CEP290: variants seen among roughly 807,000 people sequenced by gnomAD.
CEP290 encodes the protein centrosomal protein of 290 kDa.
CEP290 carries 317 observed loss-of-function variants against 344.9 expected under a neutral mutation model. That is an observed-to-expected ratio of 0.92 (90% CI 0.84 to 1.01). The LOEUF is 1.01. Among genes scored for constraint, CEP290 ranks in the 50% least tolerant of loss-of-function variants. CEP290 has a pLI of 0.00. For synonymous variants in CEP290, 932 were observed against 895.8 expected (o/e 1.04, Z -0.72); for missense variants, 2,754 against 2,761.4 (o/e 1.00, Z 0.06).
chr12:88,068,649 T>C lies in CEP290; in HGVS notation c.6012-4A>G, dbSNP rs760029406. 4 of 1,592,856 alleles carry C rather than the reference T, an allele frequency of 2.5e-6. No individual in the cohort carries two copies. The highest frequency in any genetic ancestry group is 3.4e-6 in the Non-Finnish European group (4 of 1,173,108). ...TCGAGGAAGAGCTTGGTGGGCCCTA[T>C]GAACAACAATCACAGACTCTTTACT... On this transcript the variant is annotated splice_polypyrimidine_tract_variant and splice_region_variant and intron_variant, in intron 43 of 53. Transcript: ENST00000552810.
Position 88,107,039 on chromosome 12 carries a change from T to C in CEP290, c.2543A>G (p.Glu848Gly). 1 of 1,554,686 alleles carries C rather than the reference T, an allele frequency of 6.4e-7. No individual in the cohort carries two copies. The highest frequency in any genetic ancestry group is 2.0e-5 in the Admixed American group (1 of 49,678). Residue 848 changes from glutamate (E) to glycine (G), a missense_variant, in exon 24 of 54, where the codon GAG becomes GGG. Physicochemically the swap from Glu to Gly is moderately conservative, Grantham distance 98. Transcript: ENST00000552810. ...KTIKEEKRKL[E>G]DQVQQDAIKV... is the part of the protein sequence containing the mutation. ...TATAGCATCTTGTTGGACTTGATCC[T>C]CAAGTTTTCTCTTTTCCTCTTTTAT...
chr12:88,135,718 T>C (rs1043474494), intron 6 of CEP290: 1 of 152,106 alleles, frequency 6.6e-6, no homozygotes, highest in African/African-American at 2.4e-5. Context: ...ATTGTTTTCT[T>C]AAAATGTATG....
At chr12:88,066,444 T>C (rs542144703) in intron 44 of CEP290, among the ~76,000 whole-genome samples, 6 of 148,896 alleles carry the variant, frequency 4.0e-5, no homozygotes. Context: ...GGACTACAGG[T>C]GTGCACAATC....
intron 46 of CEP290, among the ~76,000 whole-genome samples, chr12:88,061,363 C>T (rs2034465922): frequency 6.6e-6 from 1 of 152,026 alleles, no homozygotes. Context: ...GAAATTGTGT[C>T]TTTAAAGAGC....
At position 88,141,132 on chromosome 12, in the gene CEP290, A is replaced by G. The variant is rs2040629178; in HGVS notation, c.102+74T>C. 6 of 1,311,556 alleles carry G rather than the reference A, an allele frequency of 4.6e-6. 1 individual carries two copies. In the South Asian group the frequency reaches 1.0e-4, roughly 22 times the overall value. The allele number at this position is 1,311,556 out of a possible 1,614,324, so 81.2% of individuals were successfully genotyped here. On this transcript the variant is annotated intron_variant, in intron 2 of 53. Coordinates refer to ENST00000552810, the MANE Select transcript of CEP290 (RefSeq NM_025114.4). ...GACAATTATAGTTGTCCCTGAAAAAAATAAATTCATATTTTATTAATAAAT... is the reference window on the plus strand; with the variant it reads ...GACAATTATAGTTGTCCCTGAAAAAGATAAATTCATATTTTATTAATAAAT...
At chr12:88,092,862 T>C (rs2037154019) in intron 28 of CEP290, 30 bp from the exon 29 acceptor site, 1 of 1,601,182 alleles carries the variant, frequency 6.2e-7, no homozygotes, top group Admixed American at 1.7e-5. Context: ...AATGTTCAGA[T>C]ACATCAATTT....
chr12:88,111,463 T>C, intron 21 of CEP290, 112 bp from the exon 22 acceptor site: 1 of 1,094,374 alleles, frequency 9.1e-7, no homozygotes, highest in Non-Finnish European at 1.3e-6. Flanking sequence ...TACTTCAGTT[T>C]CTGCTTAGAA....
At chr12:88,065,993 C>CT (rs1447669052) in intron 44 of CEP290, among the ~76,000 whole-genome samples, 1 of 152,102 alleles carries the variant, frequency 6.6e-6, no homozygotes, top group Non-Finnish European at 1.5e-5. Context: ...AAATCAAATT[C>CT]TTAGTGGATA....
chr12:88,092,804 T>G lies in CEP290; in HGVS notation c.3338A>C (p.Lys1113Thr), dbSNP rs780796789. The change falls in exon 29 of 54, where the codon AAG becomes ACG. Residue 1113 changes from lysine (K) to threonine (T), a missense_variant. Transcript: ENST00000552810. Reference sequence around the variant, plus strand: ...TTCATCTCTTAACATCTGTTCCACCTTCTGTGCATCCAAATTGATTTTGGT... The same window carrying G: ...TTCATCTCTTAACATCTGTTCCACCGTCTGTGCATCCAAATTGATTTTGGT... ...ELTKINLDAQ[K>T]VEQMLRDELA... The G allele has an allele frequency of 3.1e-6, 5 of 1,610,034 alleles. No individual in the cohort carries two copies. In the Admixed American group the frequency reaches 5.1e-5, roughly 16 times the overall value.
intron 26 of CEP290, among the ~76,000 whole-genome samples, chr12:88,100,979 C>T (rs1205851074): frequency 6.6e-6 from 1 of 151,818 alleles, no homozygotes; most frequent in African/African-American, 2.4e-5. Context: ...TGACTTTTAC[C>T]CTTCAGGTAA....
In CEP290 at chr12:88,077,234, A is replaced by T. The variant is rs760736069; in HGVS notation, c.5697T>A (p.Pro1899=). The stretch of plus-strand genomic sequence containing the variant: ...TTTCTTCACATACCTTTTCTTTCAT[A>T]GGTTTTAGGTCTACTTCCTCCACCT... ...EGKVEEVDLK[P]MKEKNAKEEL... The change falls in exon 41 of 54, where the codon CCT becomes CCA. Residue 1899 remains proline, a synonymous_variant. Transcript: ENST00000552810. 1.2e-6 allele frequency: 2 copies of T among 1,601,354 alleles called. No individual in the cohort carries two copies. The highest frequency in any genetic ancestry group is 1.7e-6 in the Non-Finnish European group (2 of 1,176,010).
At chr12:88,065,915 T>A (rs760064150) in intron 44 of CEP290, among the ~76,000 whole-genome samples, 5 of 152,218 alleles carry the variant, frequency 3.3e-5, no homozygotes, top group Non-Finnish European at 7.3e-5. Flanking sequence ...AATTCTTGTA[T>A]AACGAACTTC....
intron 27 of CEP290, 97 bp downstream of exon 27, chr12:88,096,791 T>C: frequency 1.6e-6 from 1 of 635,842 alleles, no homozygotes; most frequent in Non-Finnish European, 2.6e-6. Flanking sequence ...TTAGTCAAAA[T>C]ACTTCCTTTT....
rs1470044444 is a variant in CEP290 at position 88,109,188 on chromosome 12, A to G, written c.2368-7T>C. The G allele has an allele frequency of 6.2e-6, 6 of 962,688 alleles. No homozygotes were observed. In the African/African-American group the frequency reaches 8.6e-5, roughly 14 times the overall value. The allele number at this position is 962,688 out of a possible 1,614,324, so 59.6% of individuals were successfully genotyped here. A position where few individuals can be genotyped will look rare whatever the true frequency, so the allele number is the denominator to read the frequency against. On this transcript the variant is annotated splice_region_variant and splice_polypyrimidine_tract_variant and intron_variant, in intron 22 of 53. Coordinates refer to ENST00000552810, the MANE Select transcript of CEP290 (RefSeq NM_025114.4). ...TTTCTTTATTTTCTAGTTCCTGAAA[A>G]GTGGTTTAGAAATAAGAATGCAAAA... is the stretch of plus-strand genomic sequence containing the variant.
Position 88,115,947 on chromosome 12 carries a change from T to C in CEP290, c.1825-765A>G, listed in dbSNP as rs80222135. 8.1e-6 allele frequency: 8 copies of C among 984,630 alleles called. No individual in the cohort carries two copies. In the African/African-American group the frequency reaches 1.2e-4, roughly 15 times the overall value. 61.0% of individuals were successfully genotyped at this position (984,630 alleles called of 1,614,324 possible). On this transcript the variant is annotated intron_variant, in intron 18 of 53. Coordinates refer to ENST00000552810, the MANE Select transcript of CEP290 (RefSeq NM_025114.4). ...ACTTTTTATTATATCTTCTTTCAAATTGATATCAGCATACTTTACTTGGGA... is the reference window on the plus strand; with the variant it reads ...ACTTTTTATTATATCTTCTTTCAAACTGATATCAGCATACTTTACTTGGGA...
chr12:88,081,955 TC>T (rs1056466928), intron 37 of CEP290, among the ~76,000 whole-genome samples: 1 of 152,202 alleles, frequency 6.6e-6, no homozygotes, highest in Non-Finnish European at 1.5e-5. Flanking sequence ...CAATTTTCTT[TC>T]TTTTAGAGAG....
intron 52 of CEP290, chr12:88,051,694 T>TAGAGAA (rs1296422241): frequency 4.6e-5 from 7 of 152,284 alleles, no homozygotes; most frequent in South Asian, 2.1e-4. Flanking sequence ...TAGAGAACTA[T>TAGAGAA]CTATGGCCAT....
intron 52 of CEP290, 57 bp downstream of exon 52, chr12:88,053,592 AAAG>A: frequency 2.5e-6 from 2 of 798,940 alleles, no homozygotes; most frequent in Non-Finnish European, 4.1e-6. Flanking sequence ...AAAAAAAAAA[AAAG>A]GCAAACCCAA....
chr12:88,130,153 T>C (rs2039976363), intron 9 of CEP290, 115 bp downstream of exon 9: 2 of 1,088,360 alleles, frequency 1.8e-6, no homozygotes, highest in Non-Finnish European at 2.6e-6. Flanking sequence ...TACAAGTACA[T>C]AGTGACAGAT....
Sources: gnomAD v4.1 joint callset for allele counts (sites outside exome capture counted in the v4.1 genomes callset) on GRCh38, gnomAD v4.1.1 for gene constraint, MANE v1.5 for transcripts, NCBI Gene and HGNC (gene_info 2026-07-23, HGNC 2026-07-21) for gene names.